IL6R: variants seen among roughly 807,000 people sequenced by gnomAD.
IL6R encodes interleukin 6 receptor.
In IL6R, 38 loss-of-function variants were observed where a neutral mutation model predicts 48.3. The observed-to-expected ratio is 0.79, with a 90% CI of 0.61 to 1.03. The LOEUF (loss-of-function observed/expected upper bound fraction) is 1.03, where lower values mean the gene tolerates loss of function less well. Ranked by LOEUF, IL6R falls within the 50% of genes least tolerant of loss-of-function variation. IL6R has a pLI of 0.00. For synonymous variants in IL6R, 264 were observed against 256.2 expected (o/e 1.03, Z -0.29); for missense variants, 534 against 618.3 (o/e 0.86, Z 1.45).
At position 154,466,661 on chromosome 1, in the gene IL6R, A is replaced by G. The variant is rs1691563521; in HGVS notation, c.*1281A>G. Reference sequence around the variant, plus strand: ...CCAGAAGTTTGAGATCAGCCTGGGCAATGTGATAAAACCCCATCTCTACAA... The same window carrying G: ...CCAGAAGTTTGAGATCAGCCTGGGCGATGTGATAAAACCCCATCTCTACAA... On this transcript the variant is annotated 3_prime_UTR_variant, in exon 10 of 10. Coordinates refer to ENST00000368485, the MANE Select transcript of IL6R (RefSeq NM_000565.4). 1 of 153,124 alleles carries G rather than the reference A, an allele frequency of 6.5e-6. No individual in the cohort carries two copies. The highest frequency in any genetic ancestry group is 2.4e-5 in the African/African-American group (1 of 41,482). The allele number at this position is 153,124 out of a possible 1,614,324, so 9.5% of individuals were successfully genotyped here. A position where few individuals can be genotyped will look rare whatever the true frequency, so the allele number is the denominator to read the frequency against.
At chr1:154,447,166 C>T (rs777274568) in intron 6 of IL6R, among the ~76,000 whole-genome samples, 21 of 151,424 alleles carry the variant, frequency 1.4e-4, no homozygotes, top group African/African-American at 3.6e-4. Context: ...TGGCCAGGCA[C>T]GGTAGCTCAT....
At position 154,468,065 on chromosome 1, in the gene IL6R, T is replaced by G. The variant is rs922792165; in HGVS notation, c.*2685T>G. Reference sequence around the variant, plus strand: ...TCATTTTTATTGTAATGGAATTGCTTTGTTTTGTTTTTTTGTTTTTGTATT... The same window carrying G: ...TCATTTTTATTGTAATGGAATTGCTGTGTTTTGTTTTTTTGTTTTTGTATT... On this transcript the variant is annotated 3_prime_UTR_variant, in exon 10 of 10. Coordinates refer to ENST00000368485, the MANE Select transcript of IL6R (RefSeq NM_000565.4). 4 of 151,872 alleles carry G rather than the reference T, an allele frequency of 2.6e-5. No homozygotes were observed. The highest frequency in any genetic ancestry group is 5.9e-5 in the Non-Finnish European group (4 of 68,034). 9.4% of individuals were successfully genotyped at this position (151,872 alleles called of 1,614,324 possible).
chr1:154,464,158 T>TC (rs1008873997), intron 9 of IL6R, among the ~76,000 whole-genome samples: 2 of 77,924 alleles, frequency 2.6e-5, no homozygotes, highest in African/African-American at 6.4e-5. Flanking sequence ...TTCCTTTTCT[T>TC]TTTTTTTATT....
chr1:154,451,998 C>T (rs925856107), intron 8 of IL6R, among the ~76,000 whole-genome samples: 12 of 152,128 alleles, frequency 7.9e-5, no homozygotes, highest in Non-Finnish European at 2.9e-5. Context: ...CATCCTGTGT[C>T]CAGTCCCTCA....
chr1:154,418,987 AG>A (rs1481064508), intron 1 of IL6R, among the ~76,000 whole-genome samples: 1 of 151,752 alleles, frequency 6.6e-6, no homozygotes, highest in East Asian at 1.9e-4. Flanking sequence ...AAATTGGGAG[AG>A]GGGGAGAGAG....
rs988714686 is a variant in IL6R, at chr1:154,413,504, G to A, written c.85+7790G>A. 2.0e-5 allele frequency among the ~76,000 whole-genome samples: 3 copies of A among 152,234 alleles called. 1 individual carries two copies. The South Asian group carries it at 6.2e-4, about 31-fold the overall frequency. ...GAAGTTGCACCAATTTATACTTCCA[G>A]CAGCATTGTGAGAATGCTTGTGTCC... On this transcript the variant is annotated intron_variant, in intron 1 of 9. Coordinates refer to ENST00000368485, the MANE Select transcript of IL6R (RefSeq NM_000565.4).
At chr1:154,433,798 A>T (rs1689443733) in intron 3 of IL6R, among the ~76,000 whole-genome samples, 1 of 151,562 alleles carries the variant, frequency 6.6e-6, no homozygotes, top group Admixed American at 6.6e-5. Flanking sequence ...TCACTGCAAC[A>T]TCTGCCTCCT....
intron 6 of IL6R, among the ~76,000 whole-genome samples, chr1:154,441,482 T>G (rs994802630): frequency 2.0e-5 from 3 of 152,062 alleles, no homozygotes; most frequent in African/African-American, 7.2e-5. Flanking sequence ...CAAAACCCAG[T>G]TGTGAATATA....
At chr1:154,423,480 G>A (rs1401645767) in intron 1 of IL6R, among the ~76,000 whole-genome samples, 1 of 151,696 alleles carries the variant, frequency 6.6e-6, no homozygotes, top group Non-Finnish European at 1.5e-5. Context: ...AGCTGTCAGG[G>A]GTACTGAGTC....
At chr1:154,426,475 C>T (rs1416941663) in intron 1 of IL6R, among the ~76,000 whole-genome samples, 11 of 148,998 alleles carry the variant, frequency 7.4e-5, no homozygotes, top group Admixed American at 4.7e-4. Flanking sequence ...GAGCCGAGAT[C>T]GCGCCATTGC....
At chr1:154,447,986 G>A (rs1021428976) in intron 6 of IL6R, 139 bp from the exon 7 acceptor site, 3 of 678,856 alleles carry the variant, frequency 4.4e-6, no homozygotes, top group Middle Eastern at 3.7e-4. Context: ...TGGGATGACA[G>A]ACGTGAGCCA....
chr1:154,429,143 AG>A (rs915091270), intron 1 of IL6R, 52 bp from the exon 2 acceptor site: 1 of 1,575,804 alleles, frequency 6.3e-7, no homozygotes, highest in Non-Finnish European at 8.7e-7. Context: ...ACCAGAACGA[AG>A]CCCCCTTCTT....
chr1:154,451,763 C>T (rs918973556), intron 8 of IL6R, among the ~76,000 whole-genome samples: 1 of 151,900 alleles, frequency 6.6e-6, no homozygotes, highest in Non-Finnish European at 1.5e-5. Context: ...CTCGAACTCC[C>T]CACCTCAGGT....
intron 9 of IL6R, among the ~76,000 whole-genome samples, chr1:154,457,517 T>G (rs538263522): frequency 6.6e-6 from 1 of 152,240 alleles, no homozygotes; most frequent in South Asian, 2.1e-4. Flanking sequence ...AAATACTCAT[T>G]CAGGCTGAGT....
chr1:154,426,414 G>A (rs1055993875), intron 1 of IL6R, among the ~76,000 whole-genome samples: 35 of 151,752 alleles, frequency 2.3e-4, no homozygotes, highest in African/African-American at 8.0e-4. Flanking sequence ...CCAACTACTC[G>A]GGAGGCTGAG....
chr1:154,412,792 A>G (rs970144297), intron 1 of IL6R, among the ~76,000 whole-genome samples: 13 of 152,154 alleles, frequency 8.5e-5, no homozygotes, highest in African/African-American at 3.1e-4. Context: ...ATGGATGAGA[A>G]AAGTGAGGCC....
intron 9 of IL6R, among the ~76,000 whole-genome samples, 169 bp downstream of exon 9, chr1:154,454,750 T>G (rs933631910): frequency 6.6e-6 from 1 of 152,132 alleles, no homozygotes; most frequent in African/African-American, 2.4e-5. Context: ...AAGCCGTGTT[T>G]TAGGTGCTGC....
In IL6R at chr1:154,466,229, G is replaced by A. The variant is rs1479527175; in HGVS notation, c.*849G>A. On this transcript the variant is annotated 3_prime_UTR_variant, in exon 10 of 10. Transcript: ENST00000368485. ...GGGATCACAGCCTCTGAAAACCAAT[G>A]TTCTCTCTTCTCCACCTCCCACAAA... The A allele has an allele frequency of 2.0e-5, 3 of 152,270 alleles. No homozygotes were observed. The highest frequency in any genetic ancestry group is 4.8e-5 in the African/African-American group (2 of 41,424). The allele number at this position is 152,270 out of a possible 1,614,324, so 9.4% of individuals were successfully genotyped here.
At chr1:154,446,452 T>C (rs970799347) in intron 6 of IL6R, among the ~76,000 whole-genome samples, 1 of 152,256 alleles carries the variant, frequency 6.6e-6, no homozygotes, top group Non-Finnish European at 1.5e-5. Flanking sequence ...TCCTTACTCC[T>C]GGCCCAGCGA....
Sources: gnomAD v4.1 joint callset for allele counts (sites outside exome capture counted in the v4.1 genomes callset) on GRCh38, gnomAD v4.1.1 for gene constraint, MANE v1.5 for transcripts, NCBI Gene and HGNC (gene_info 2026-07-23, HGNC 2026-07-21) for gene names.